Variants in PPARGC1A observed in about 807,000 individuals in gnomAD.
PPARGC1A encodes PPARG coactivator 1 alpha, also known as peroxisome proliferator-activated receptor gamma coactivator 1-alpha.
A neutral mutation model predicts 88.7 loss-of-function variants in PPARGC1A; 25 were observed. The observed-to-expected ratio is 0.28, with a 90% CI of 0.21 to 0.39. The LOEUF (loss-of-function observed/expected upper bound fraction) is 0.39, where lower values mean the gene tolerates loss of function less well. Among genes scored for constraint, PPARGC1A ranks in the 10% least tolerant of loss-of-function variants. The pLI, the probability that PPARGC1A is intolerant of heterozygous loss-of-function variation, is 1.00. For missense variants in PPARGC1A, 880 were observed against 968.7 expected, an observed-to-expected ratio of 0.91 and a Z score of 1.22; for synonymous variants, 363 against 355.6, an observed-to-expected ratio of 1.02 and a Z score of -0.24.
the PPARGC1A span, among the ~76,000 whole-genome samples, chr4:23,945,075 T>C: frequency 1.3e-5 from 2 of 152,144 alleles, no homozygotes; most frequent in African/African-American, 2.4e-5. Context: ...CTAGTATGTA[T>C]AAAGCCCATA....
At chr4:24,147,366 G>A in the PPARGC1A span, among the ~76,000 whole-genome samples, 99 of 152,320 alleles carry the variant, frequency 6.5e-4, no homozygotes, top group African/African-American at 2.4e-3. Context: ...AGGAGACAAT[G>A]CCAAGCTTAG....
At chr4:24,450,567 A>C in the PPARGC1A span, among the ~76,000 whole-genome samples, 3 of 152,202 alleles carry the variant, frequency 2.0e-5, no homozygotes, top group Non-Finnish European at 4.4e-5. Flanking sequence ...TAACTGTTTC[A>C]AAGATCCTTC....
At chr4:24,043,586 C>T in the PPARGC1A span, among the ~76,000 whole-genome samples, 80 of 152,102 alleles carry the variant, frequency 5.3e-4, no homozygotes, top group Non-Finnish European at 8.8e-4. Context: ...GTTACCTCAT[C>T]GATCGCATGT....
intron 2 of PPARGC1A, among the ~76,000 whole-genome samples, chr4:23,878,968 C>G (rs1018345247): frequency 6.6e-6 from 1 of 152,142 alleles, no homozygotes; most frequent in Non-Finnish European, 1.5e-5. Context: ...TATTTTCTTA[C>G]TTGAAGTCTA....
chr4:23,871,041 T>C (rs1713238790), intron 2 of PPARGC1A, among the ~76,000 whole-genome samples: 1 of 152,076 alleles, frequency 6.6e-6, no homozygotes, highest in Admixed American at 6.6e-5. Context: ...AGAAACACAT[T>C]TGCCATTGAA....
At chr4:24,233,376 T>TC in the PPARGC1A span, among the ~76,000 whole-genome samples, 168 of 152,218 alleles carry the variant, frequency 1.1e-3, no homozygotes, top group African/African-American at 3.8e-3. Flanking sequence ...TCTCTCTCTC[T>TC]TTTCTCATCT....
chr4:24,133,676 C>A, the PPARGC1A span, among the ~76,000 whole-genome samples: 3 of 152,120 alleles, frequency 2.0e-5, no homozygotes, highest in African/African-American at 7.2e-5. Context: ...AACAATTTTC[C>A]TCCTTTCATT....
At chr4:24,281,108 C>A in the PPARGC1A span, among the ~76,000 whole-genome samples, 5 of 152,320 alleles carry the variant, frequency 3.3e-5, no homozygotes, top group Admixed American at 6.5e-5. Context: ...ATAGGCTTGA[C>A]ATGTGGCATA....
chr4:24,056,745 A>G, the PPARGC1A span, among the ~76,000 whole-genome samples: 1 of 152,192 alleles, frequency 6.6e-6, no homozygotes, highest in Admixed American at 6.5e-5. Context: ...TAGCGTACTT[A>G]TCATACCACC....
the PPARGC1A span, among the ~76,000 whole-genome samples, chr4:24,058,337 G>A: frequency 6.6e-6 from 1 of 152,160 alleles, no homozygotes; most frequent in South Asian, 2.1e-4. Context: ...TTTCTGTCTT[G>A]GATTATGTTG....
the PPARGC1A span, among the ~76,000 whole-genome samples, chr4:24,062,774 A>C: frequency 6.6e-6 from 1 of 152,214 alleles, no homozygotes; most frequent in Non-Finnish European, 1.5e-5. Context: ...TTTATCATTG[A>C]CTATACTACC....
the PPARGC1A span, among the ~76,000 whole-genome samples, chr4:24,449,577 CA>C: frequency 1.3e-5 from 2 of 152,146 alleles, no homozygotes; most frequent in East Asian, 3.8e-4. Flanking sequence ...ATAGAGCCTC[CA>C]AAAATATTTA....
intron 2 of PPARGC1A, among the ~76,000 whole-genome samples, chr4:23,871,504 T>C (rs938256312): frequency 1.6e-4 from 24 of 152,236 alleles, no homozygotes; most frequent in African/African-American, 5.5e-4. Flanking sequence ...TGAACCTGCC[T>C]ATCAGACAGC....
the PPARGC1A span, among the ~76,000 whole-genome samples, chr4:24,262,602 G>A: frequency 6.6e-6 from 1 of 152,184 alleles, no homozygotes; most frequent in Non-Finnish European, 1.5e-5. Flanking sequence ...TCAGGGGTCT[G>A]TAACCTTTCC....
the PPARGC1A span, among the ~76,000 whole-genome samples, chr4:24,291,212 A>C: frequency 6.6e-6 from 1 of 152,158 alleles, no homozygotes; most frequent in East Asian, 1.9e-4. Flanking sequence ...TTTGCCTTTT[A>C]AAACAAATCC....
the PPARGC1A span, among the ~76,000 whole-genome samples, chr4:23,937,277 C>G: frequency 6.6e-6 from 1 of 151,970 alleles, no homozygotes; most frequent in Non-Finnish European, 1.5e-5. Flanking sequence ...GGCTTTCTCC[C>G]ACCAACATAG....
At chr4:24,296,217 A>G in the PPARGC1A span, among the ~76,000 whole-genome samples, 1 of 150,256 alleles carries the variant, frequency 6.7e-6, no homozygotes, top group East Asian at 1.9e-4. Flanking sequence ...ATATATATAT[A>G]TTTATATATA....
At chr4:24,350,041 T>G in the PPARGC1A span, among the ~76,000 whole-genome samples, 2 of 152,202 alleles carry the variant, frequency 1.3e-5, no homozygotes, top group East Asian at 3.9e-4. Flanking sequence ...CCAGGTGAAG[T>G]TGGAAACGTC....
the PPARGC1A span, among the ~76,000 whole-genome samples, chr4:24,283,529 G>C: frequency 2.0e-5 from 3 of 152,204 alleles, no homozygotes; most frequent in Admixed American, 2.0e-4. Flanking sequence ...TCTTTAACCT[G>C]ATGAACATTT....
Sources: gnomAD v4.1 joint callset for allele counts (sites outside exome capture counted in the v4.1 genomes callset) on GRCh38, gnomAD v4.1.1 for gene constraint, MANE v1.5 for transcripts, NCBI Gene and HGNC (gene_info 2026-07-23, HGNC 2026-07-21) for gene names.